The following NLRX1 variants were observed in gnomAD, a reference collection of about 807,000 sequenced individuals.
NLRX1 encodes the protein NLR family member X1.
In NLRX1, 67 loss-of-function variants were observed where a neutral mutation model predicts 74.2. That is an observed-to-expected ratio of 0.90 (90% CI 0.74 to 1.11). The LOEUF (loss-of-function observed/expected upper bound fraction) is 1.11, where lower values mean the gene tolerates loss of function less well. Ranked by LOEUF, NLRX1 falls within the 50% of genes least tolerant of loss-of-function variation. NLRX1 has a pLI of 0.00. For synonymous variants in NLRX1, 506 were observed against 559.1 expected (o/e 0.91, Z 1.34); for missense variants, 1,191 against 1,305.4 (o/e 0.91, Z 1.35).
At chr11:119,177,053 G>T (rs1192477907) in intron 6 of NLRX1, among the ~76,000 whole-genome samples, 2 of 152,040 alleles carry the variant, frequency 1.3e-5, no homozygotes, top group Non-Finnish European at 2.9e-5. Flanking sequence ...TCAGGGTCTA[G>T]GACATGGTAA....
rs1349491291 is a variant in NLRX1 at position 119,171,428 on chromosome 11, A to G, written c.25A>G (p.Arg9Gly). Residue 9 changes from arginine to glycine, a missense_variant, in exon 2 of 10, where the codon AGG (arginine) becomes GGG (glycine). Coordinates refer to ENST00000409109, the MANE Select transcript of NLRX1 (RefSeq NM_001282144.2). ...GATGAGGTGGGGCCACCATTTGCCC[A>G]GGGCCTCTTGGGGCTCTGGTTTTAG... is the stretch of plus-strand genomic sequence containing the variant. The part of the protein sequence containing the change: MRWGHHLP[R>G]ASWGSGFRRA... The G allele has an allele frequency of 1.1e-5, 18 of 1,613,854 alleles. No individual in the cohort carries two copies. The highest frequency in any genetic ancestry group is 1.3e-5 in the Non-Finnish European group (15 of 1,179,940).
At position 119,172,963 on chromosome 11, in the gene NLRX1, G is replaced by A. The variant is rs1948593262; in HGVS notation, c.203G>A (p.Arg68Gln). 11 of 1,613,744 alleles carry A rather than the reference G, an allele frequency of 6.8e-6. No homozygotes were observed. Among genetic ancestry groups the A allele is most frequent in the Non-Finnish European group, 9.3e-6 (11 of 1,179,928 alleles). Reference sequence around the variant, plus strand: ...GCTCCCCCACCCGGGAGGCATGGACGGCTGTTCCCCAGCGCCTCTGCAACT... The same window carrying A: ...GCTCCCCCACCCGGGAGGCATGGACAGCTGTTCCCCAGCGCCTCTGCAACT... ...DSAPPPGRHG[R>Q]LFPSASATEA... Residue 68 changes from arginine to glutamine, a missense_variant, in exon 4 of 10, where the codon CGG becomes CAG. Arg to Gln is a conservative substitution (Grantham distance 43, BLOSUM62 1). Transcript: ENST00000409109.
chr11:119,173,567 A>G lies in NLRX1; in HGVS notation c.318A>G (p.Leu106=). The change falls in exon 5 of 10, where the codon CTA becomes CTG. Residue 106 remains leucine (L), a synonymous_variant. Transcript: ENST00000409109. The surrounding 1 kb of genome is among the most constrained non-coding windows in gnomAD (Gnocchi z 4.0). ...EERQFGPTFA[L]DTVHVDPVIR... ...GCCAGTTTGGCCCAACCTTTGCCCT[A>G]GACACGGTCCACGTTGACCCTGTGA... 1.2e-6 allele frequency: 2 copies of G among 1,614,134 alleles called. No homozygotes were observed. The highest frequency in any genetic ancestry group is 1.7e-6 in the Non-Finnish European group (2 of 1,180,040).
Position 119,179,681 on chromosome 11 carries a change from C to T in NLRX1, c.1672-12C>T, listed in dbSNP as rs201062329. 6.8e-7 allele frequency: 1 copy of T among 1,476,086 alleles called. No homozygotes were observed. The highest frequency in any genetic ancestry group is 9.1e-7 in the Non-Finnish European group (1 of 1,103,602). The allele number at this position is 1,476,086 out of a possible 1,614,324, so 91.4% of individuals were successfully genotyped here. A position where few individuals can be genotyped will look rare whatever the true frequency, so the allele number is the denominator to read the frequency against. The stretch of plus-strand genomic sequence containing the variant: ...GGAAGGCCACAGTGACTCTCCCCTG[C>T]TTCTTTTTCAGGTGGTTCCACGAGT... On this transcript the variant is annotated splice_polypyrimidine_tract_variant and intron_variant, in intron 6 of 9. Transcript: ENST00000409109.
Position 119,174,363 on chromosome 11 carries a change from T to G in NLRX1, c.850-90T>G. The G allele has an allele frequency of 2.3e-6, 3 of 1,333,012 alleles. No homozygotes were observed. In the South Asian group the frequency reaches 4.0e-5, roughly 18 times the overall value. The allele number at this position is 1,333,012 out of a possible 1,614,324, so 82.6% of individuals were successfully genotyped here. The stretch of plus-strand genomic sequence containing the variant: ...TTATCCTCATCAATGTCTTCATCCT[T>G]GGACACTCCGTCTTCAGGGGTCCCC... On this transcript the variant is annotated intron_variant, in intron 5 of 9. Transcript: ENST00000409109.
chr11:119,173,422 C>G lies in NLRX1; in HGVS notation c.230-57C>G. The G allele has an allele frequency of 1.3e-6, 2 of 1,569,588 alleles. No homozygotes were observed. Among genetic ancestry groups the G allele is most frequent in the South Asian group, 2.3e-5 (2 of 85,310 alleles). Reference sequence around the variant, plus strand: ...GACCTCACCACCGCCCTGATTGGCCCTAAGCTACATCTCCAGGCCCCTTTC... The same window carrying G: ...GACCTCACCACCGCCCTGATTGGCCGTAAGCTACATCTCCAGGCCCCTTTC... On this transcript the variant is annotated intron_variant, in intron 4 of 9. Coordinates refer to ENST00000409109, the MANE Select transcript of NLRX1 (RefSeq NM_001282144.2). The surrounding 1 kb of genome is among the most constrained non-coding windows in gnomAD (Gnocchi z 4.0).
rs754571213 is a variant in NLRX1, at chr11:119,173,800, G to A, written c.551G>A (p.Cys184Tyr). 1 of 1,613,600 alleles carries A rather than the reference G, an allele frequency of 6.2e-7. No individual in the cohort carries two copies. Among genetic ancestry groups the A allele is most frequent in the Non-Finnish European group, 8.5e-7 (1 of 1,180,020 alleles). ...GTGCGCAAGATGGTTCTGGACTGGT[G>A]TTATGGGCGGCTGCCGGCCTTCGAG... is the stretch of plus-strand genomic sequence containing the variant. The part of the protein sequence containing the change: ...TLVRKMVLDW[C>Y]YGRLPAFELL... The change falls in exon 5 of 10, where the codon TGT becomes TAT. Residue 184 changes from cysteine to tyrosine, a missense_variant. Cys to Tyr is a radical substitution (Grantham distance 194). Transcript: ENST00000409109. This position sits in a 1 kb window ranked among gnomAD's most constrained non-coding sequence, Gnocchi z 4.0.
intron 5 of NLRX1, 59 bp from the exon 6 acceptor site, chr11:119,174,394 A>T (rs1172568542): frequency 1.2e-5 from 18 of 1,535,400 alleles, no homozygotes; most frequent in Non-Finnish European, 1.6e-5. Flanking sequence ...TCCCCTGGGA[A>T]TAGAAGCAGT....
rs760037425 is a variant in NLRX1, at chr11:119,175,281, T to A, written c.1671+7T>A. On this transcript the variant is annotated splice_region_variant and intron_variant, in intron 6 of 9. Transcript: ENST00000409109. ...GCTCTTCAACCTGATCAAGGTAACA[T>A]CCCGATCAAGGTAACCCCCCAACCT... The A allele has an allele frequency of 3.1e-6, 5 of 1,607,988 alleles. No homozygotes were observed.
rs1224168796 is a variant in NLRX1, at chr11:119,174,528, A to G, written c.925A>G (p.Ile309Val). ...PSKYVGRYGE[I>V]CGFSDTNLQK... Reference sequence around the variant, plus strand: ...CAAGTACGTGGGCCGCTATGGTGAGATCTGCGGTTTCTCTGATACCAACCT... The same window carrying G: ...CAAGTACGTGGGCCGCTATGGTGAGGTCTGCGGTTTCTCTGATACCAACCT... The change falls in exon 6 of 10, where the codon ATC (isoleucine) becomes GTC (valine). Residue 309 changes from isoleucine (I) to valine (V), a missense_variant. Physicochemically the swap from Ile to Val is conservative, Grantham distance 29. Coordinates refer to ENST00000409109, the MANE Select transcript of NLRX1 (RefSeq NM_001282144.2). The G allele has an allele frequency of 6.2e-7, 1 of 1,614,022 alleles. No individual in the cohort carries two copies. The highest frequency in any genetic ancestry group is 8.5e-7 in the Non-Finnish European group (1 of 1,180,048).
Position 119,173,678 on chromosome 11 carries a change from A to G in NLRX1, c.429A>G (p.Pro143=). 2 of 1,613,998 alleles carry G rather than the reference A, an allele frequency of 1.2e-6. No homozygotes were observed. The highest frequency in any genetic ancestry group is 1.7e-6 in the Non-Finnish European group (2 of 1,179,992). Residue 143 remains proline (P), a synonymous_variant, in exon 5 of 10, where the codon CCA becomes CCG. Transcript: ENST00000409109. The surrounding 1 kb of genome is among the most constrained non-coding windows in gnomAD (Gnocchi z 4.0). ...AGCCACCCCAGGCCGGGCTCCCCCC[A>G]CTGGCCTTGTCTCAGCTCTTTAACC... The part of the protein sequence containing the change: ...EHQPPQAGLP[P]LALSQLFNPD...
chr11:119,169,683 G>A (rs1047645387), intron 1 of NLRX1, among the ~76,000 whole-genome samples: 7 of 152,214 alleles, frequency 4.6e-5, no homozygotes, highest in African/African-American at 1.7e-4. Flanking sequence ...GGAGACTTTT[G>A]AGCAGGATCT....
chr11:119,175,998 TCA>T (rs201052227), intron 6 of NLRX1, among the ~76,000 whole-genome samples: 1,841 of 152,332 alleles, frequency 0.012, 18 homozygotes, highest in Middle Eastern at 0.031. Context: ...AAACTGAGGC[TCA>T]GAGAGGTAAA....
rs1434185293 is a variant in NLRX1 at position 119,174,834 on chromosome 11, C to T, written c.1231C>T (p.Leu411=). The part of the protein sequence containing the change: ...FLRLNFSGET[L]DSTDPSNLSL... Reference sequence around the variant, plus strand: ...GCGCCTCAACTTCAGCGGGGAAACCCTGGACAGCACTGACCCCTCCAATTT... The same window carrying T: ...GCGCCTCAACTTCAGCGGGGAAACCTTGGACAGCACTGACCCCTCCAATTT... The change falls in exon 6 of 10, where the codon CTG becomes TTG. Residue 411 remains leucine (L), a synonymous_variant. Coordinates refer to ENST00000409109, the MANE Select transcript of NLRX1 (RefSeq NM_001282144.2). 6.2e-7 allele frequency: 1 copy of T among 1,613,952 alleles called. No homozygotes were observed. Among genetic ancestry groups the T allele is most frequent in the African/African-American group, 1.3e-5 (1 of 74,948 alleles).
At position 119,173,004 on chromosome 11, in the gene NLRX1, TGGGACCCTGGTCA is replaced by T; in HGVS notation, c.229+19_229+31del. On this transcript the variant is annotated intron_variant, in intron 4 of 9. Transcript: ENST00000409109. This position sits in a 1 kb window ranked among gnomAD's most constrained non-coding sequence, Gnocchi z 4.0. ...CTCTGCAACTGGTAAAGGGACTGGCTGGGACCCTGGTCAGGGGGTGTGGTGGGCAGACGGGGCT... is the reference window on the plus strand; with the variant it reads ...CTCTGCAACTGGTAAAGGGACTGGCTGGGGGTGTGGTGGGCAGACGGGGCT... 6.2e-7 allele frequency: 1 copy of T among 1,603,054 alleles called. No homozygotes were observed. Among genetic ancestry groups the T allele is most frequent in the Non-Finnish European group, 8.5e-7 (1 of 1,173,646 alleles).
intron 2 of NLRX1, 31 bp downstream of exon 2, chr11:119,171,504 C>T (rs1355465556): frequency 6.5e-7 from 1 of 1,547,190 alleles, no homozygotes; most frequent in Admixed American, 1.7e-5. Context: ...TCTGTTTTTA[C>T]CTCTTTCTTG....
At chr11:119,178,223 C>T (rs183524669) in intron 6 of NLRX1, among the ~76,000 whole-genome samples, 51 of 152,286 alleles carry the variant, frequency 3.3e-4, no homozygotes, top group African/African-American at 1.1e-3. Context: ...TGTTAAAGGA[C>T]GTGCCACAAA....
intron 6 of NLRX1, among the ~76,000 whole-genome samples, chr11:119,177,544 CTT>C (rs1402880588): frequency 6.6e-6 from 1 of 151,260 alleles, no homozygotes; most frequent in Non-Finnish European, 1.5e-5. Context: ...AGGAGAATCT[CTT>C]GAGCCCAGGA....
Position 119,174,552 on chromosome 11 carries a change from C to G in NLRX1, c.949C>G (p.Leu317Val). ...GEICGFSDTN[L>V]QKLYFQLRLN... The stretch of plus-strand genomic sequence containing the variant: ...GATCTGCGGTTTCTCTGATACCAAC[C>G]TGCAGAAGCTCTACTTCCAGCTCCG... The change falls in exon 6 of 10, where the codon CTG becomes GTG. Residue 317 changes from leucine to valine, a missense_variant. Transcript: ENST00000409109. 6.2e-7 allele frequency: 1 copy of G among 1,614,226 alleles called. No homozygotes were observed. Among genetic ancestry groups the G allele is most frequent in the Admixed American group, 1.7e-5 (1 of 60,024 alleles).
Sources: allele counts gnomAD v4.1 joint callset (sites outside exome capture counted in the v4.1 genomes callset), GRCh38; gene constraint gnomAD v4.1.1; non-coding constraint Gnocchi (gnomAD v3.1); transcripts MANE v1.5; gene names NCBI Gene and HGNC (gene_info 2026-07-23, HGNC 2026-07-21).